Variants in CD36 observed in about 807,000 individuals in gnomAD.
CD36 encodes CD36 molecule (CD36 blood group).
Under a neutral mutation model 55.2 loss-of-function variants are expected in CD36, and 119 were observed. The ratio of observed to expected loss-of-function variants is 2.15; its 90% CI spans 1.86 to 2.51. The LOEUF is 2.51. Among genes scored for constraint, CD36 ranks in the 30% most tolerant of loss-of-function variants. The pLI is 0.00. For missense variants in CD36, 819 were observed against 555.5 expected, an observed-to-expected ratio of 1.47 and a Z score of -4.77; for synonymous variants, 186 against 193.6, an observed-to-expected ratio of 0.96 and a Z score of 0.33.
At chr7:80,653,596 C>T (rs771457057) in intron 3 of CD36, among the ~76,000 whole-genome samples, 1 of 152,120 alleles carries the variant, frequency 6.6e-6, no homozygotes. Flanking sequence ...ACACATTAGC[C>T]AAGTGAGAAA....
intron 3 of CD36, among the ~76,000 whole-genome samples, chr7:80,651,396 T>C (rs1795607296): frequency 6.6e-6 from 1 of 151,934 alleles, no homozygotes; most frequent in Non-Finnish European, 1.5e-5. Flanking sequence ...AAATAAAAGT[T>C]GGAAGAAAAA....
At chr7:80,657,177 G>C (rs1796159099) in intron 4 of CD36, among the ~76,000 whole-genome samples, 2 of 152,212 alleles carry the variant, frequency 1.3e-5, no homozygotes, top group African/African-American at 4.8e-5. Context: ...CATTAACAGG[G>C]AATTGGGAAA....
intron 8 of CD36, among the ~76,000 whole-genome samples, chr7:80,667,014 T>C (rs1797153143): frequency 6.6e-6 from 1 of 152,116 alleles, no homozygotes; most frequent in African/African-American, 2.4e-5. Context: ...CTGTGAAAAA[T>C]ATATGTAAAA....
Position 80,664,490 on chromosome 7 carries a change from G to C in CD36, c.694G>C (p.Gly232Arg), listed in dbSNP as rs760850297. 29 of 1,518,372 alleles carry C rather than the reference G, an allele frequency of 1.9e-5. No homozygotes were observed. The South Asian group carries it at 2.8e-4, about 15-fold the overall frequency. The allele number at this position is 1,518,372 out of a possible 1,614,324, so 94.1% of individuals were successfully genotyped here. A position where few individuals can be genotyped will look rare whatever the true frequency, so the allele number is the denominator to read the frequency against. The change falls in exon 7 of 15, where the codon GGT (glycine) becomes CGT (arginine). Residue 232 changes from glycine (G) to arginine (R), a missense_variant. By Grantham distance (125) the Gly-to-Arg change is moderately radical. Coordinates refer to ENST00000447544, the MANE Select transcript of CD36 (RefSeq NM_001001548.3). ...AGTTGCCATAATCGACACATATAAA[G>C]GTAAAAGGTAAGTATTCTGGTAAAA... Reference protein sequence around the residue: ...SKVAIIDTYKGKRNLSYWESH... With the variant: ...SKVAIIDTYKRKRNLSYWESH...
intron 1 of CD36, among the ~76,000 whole-genome samples, chr7:80,616,042 A>G (rs966150116): frequency 2.7e-4 from 41 of 152,202 alleles, no homozygotes; most frequent in African/African-American, 9.4e-4. Flanking sequence ...TCCAGGCAAT[A>G]GGAGATCTTG....
rs757827176 is a variant in CD36, at chr7:80,663,150, C to T, written c.590C>T (p.Thr197Ile). 14 of 1,613,486 alleles carry T rather than the reference C, an allele frequency of 8.7e-6. No individual in the cohort carries two copies. In the Middle Eastern group the frequency reaches 9.9e-4, roughly 114 times the overall value. Residue 197 changes from threonine (T) to isoleucine (I), a missense_variant, in exon 6 of 15, where the codon ACA becomes ATA. Physicochemically the swap from Thr to Ile is moderately conservative, Grantham distance 89 (BLOSUM62 -1). Transcript: ENST00000447544. Reference protein sequence around the residue: ...LSLVPYPVTTTVGLFYPYNNT... With the variant: ...LSLVPYPVTTIVGLFYPYNNT... ...TTGGTTCCGTACCCTGTTACTACCA[C>T]AGTTGGTCTGTTTTATCCTGTAAGT... is the stretch of plus-strand genomic sequence containing the variant.
rs11574718 is a variant in CD36, at chr7:80,667,282, T to C, written c.748+793T>C. ...ATCTCTACAAAAAAAATACAAATAT[T>C]AGCTGGGTGTGCTGGCACACGCTTT... On this transcript the variant is annotated intron_variant, in intron 8 of 14. Transcript: ENST00000447544. Among the ~76,000 whole-genome samples the C allele has an allele frequency of 3.0e-3, 456 of 151,990 alleles. 6 individuals carry two copies. The highest frequency in any genetic ancestry group is 0.011 in the African/African-American group (439 of 41,454).
At chr7:80,667,538 T>G (rs536357553) in intron 8 of CD36, among the ~76,000 whole-genome samples, 1 of 149,822 alleles carries the variant, frequency 6.7e-6, no homozygotes, top group African/African-American at 2.5e-5. Context: ...GTTTAGAAAA[T>G]TAGGGAATAT....
chr7:80,634,352 A>G (rs1390636598), upstream of CD36, among the ~76,000 whole-genome samples: 1 of 152,048 alleles, frequency 6.6e-6, no homozygotes, highest in Non-Finnish European at 1.5e-5. Context: ...GTTATACTAA[A>G]ATGCTTCTTT....
Position 80,670,959 on chromosome 7 carries a change from T to C in CD36, c.819-18T>C. 1 of 1,592,326 alleles carries C rather than the reference T, an allele frequency of 6.3e-7. No individual in the cohort carries two copies. On this transcript the variant is annotated intron_variant, in intron 9 of 14. Transcript: ENST00000447544. ...AGTTCAGGTTCCTGGAATGCAGCTC[T>C]TTTTTCTCTGTATTTAGGTCAATCT...
chr7:80,628,641 A>G (rs1385427396), intron 1 of CD36, among the ~76,000 whole-genome samples: 2 of 152,092 alleles, frequency 1.3e-5, no homozygotes, highest in Non-Finnish European at 2.9e-5. Flanking sequence ...TATGTTTTAA[A>G]TAGAATCACA....
At chr7:80,668,978 T>A (rs1005006509) in intron 8 of CD36, among the ~76,000 whole-genome samples, 1 of 152,228 alleles carries the variant, frequency 6.6e-6, no homozygotes, top group Non-Finnish European at 1.5e-5. Flanking sequence ...ATGACTTTTT[T>A]ATACACTTTC....
At chr7:80,647,705 CA>C (rs2116421864) in intron 3 of CD36, among the ~76,000 whole-genome samples, 1 of 152,182 alleles carries the variant, frequency 6.6e-6, no homozygotes, top group Non-Finnish European at 1.5e-5. Context: ...AGGGGTTAAA[CA>C]AAATTTAAGG....
At chr7:80,606,698 T>G (rs13236689) in intron 1 of CD36, among the ~76,000 whole-genome samples, 67,028 of 151,958 alleles carry the variant, frequency 0.44, 15,167 homozygotes, top group South Asian at 0.69. Context: ...TCTTGGAGAT[T>G]TGCTAATCTT....
At chr7:80,658,225 C>T (rs1334855295) in intron 4 of CD36, among the ~76,000 whole-genome samples, 1 of 152,004 alleles carries the variant, frequency 6.6e-6, no homozygotes, top group Non-Finnish European at 1.5e-5. Flanking sequence ...TAGCAAGAGT[C>T]TATACAAGTA....
chr7:80,652,753 A>C (rs1267063248), intron 3 of CD36, among the ~76,000 whole-genome samples: 1 of 152,132 alleles, frequency 6.6e-6, no homozygotes. Flanking sequence ...CTATGAACCA[A>C]GCAATTAAAG....
rs979203448 is a variant in CD36, at chr7:80,674,891, G to A, written c.*744G>A. The stretch of plus-strand genomic sequence containing the variant: ...GTTGTTTACTGTGTGCCAGTACCAT[G>A]CTAAAGAAAGATTCTTTATCTCACA... On this transcript the variant is annotated intron_variant, in intron 14 of 14. Transcript: ENST00000447544. 1.9e-4 allele frequency among the ~76,000 whole-genome samples: 29 copies of A among 152,170 alleles called. 1 individual carries two copies. The highest frequency in any genetic ancestry group is 5.5e-4 in the African/African-American group (23 of 41,538).
intron 3 of CD36, among the ~76,000 whole-genome samples, chr7:80,649,155 C>T (rs891312926): frequency 5.9e-5 from 9 of 152,036 alleles, no homozygotes; most frequent in African/African-American, 2.2e-4. Flanking sequence ...ACTTAATCTT[C>T]AAAAATATCT....
chr7:80,661,432 G>A (rs901853268), intron 5 of CD36, among the ~76,000 whole-genome samples: 1 of 151,928 alleles, frequency 6.6e-6, no homozygotes, highest in Admixed American at 6.6e-5. Flanking sequence ...ATTTTTTGTC[G>A]AAACATTCTC....
Sources: allele counts gnomAD v4.1 joint callset (sites outside exome capture counted in the v4.1 genomes callset), GRCh38; gene constraint gnomAD v4.1.1; transcripts MANE v1.5; gene names NCBI Gene and HGNC (gene_info 2026-07-23, HGNC 2026-07-21).